The following MGAT4C variants were observed in gnomAD, a reference collection of about 807,000 sequenced individuals.
MGAT4C encodes the protein MGAT4 family member C, also known as alpha-1,3-mannosyl-glycoprotein 4-beta-N-acetylglucosaminyltransferase C.
A neutral mutation model predicts 40.1 loss-of-function variants in MGAT4C; 19 were observed. The observed-to-expected ratio is 0.47, with a 90% CI of 0.33 to 0.70. MGAT4C has a LOEUF of 0.70. Ranked by LOEUF, MGAT4C falls within the 30% of genes least tolerant of loss-of-function variation. The pLI is 0.02. For missense variants in MGAT4C, 491 were observed against 563.2 expected, an observed-to-expected ratio of 0.87 and a Z score of 1.30; for synonymous variants, 181 against 187.1, an observed-to-expected ratio of 0.97 and a Z score of 0.27.
chr12:86,497,356 G>T (rs969167170), intron 2 of MGAT4C, among the ~76,000 whole-genome samples: 12 of 151,884 alleles, frequency 7.9e-5, no homozygotes, highest in African/African-American at 2.9e-4. Flanking sequence ...ACAAGGAGAA[G>T]AAATTGAATA....
At position 86,440,776 on chromosome 12, in the gene MGAT4C, G is replaced by A. The variant is rs190616150; in HGVS notation, c.-228-5511C>T. Reference sequence around the variant, plus strand: ...AGAGTTGATAAATAAATTTAGTAAAGTCTTGGGTTACAATATCAATATACA... The same window carrying A: ...AGAGTTGATAAATAAATTTAGTAAAATCTTGGGTTACAATATCAATATACA... On this transcript the variant is annotated intron_variant, in intron 2 of 7. Transcript: ENST00000548651. 1.0e-3 allele frequency among the ~76,000 whole-genome samples: 155 copies of A among 152,136 alleles called. No homozygotes were observed. In the Middle Eastern group the frequency reaches 0.01, roughly 10 times the overall value.
chr12:86,185,857 A>AG (rs1489619644), intron 1 of MGAT4C, among the ~76,000 whole-genome samples: 2 of 152,150 alleles, frequency 1.3e-5, no homozygotes, highest in Non-Finnish European at 2.9e-5. Flanking sequence ...AGGCAAAGAG[A>AG]AGAGAGTCGC....
chr12:86,284,706 C>G (rs184268626), intron 4 of MGAT4C, among the ~76,000 whole-genome samples: 2 of 151,890 alleles, frequency 1.3e-5, no homozygotes, highest in African/African-American at 4.8e-5. Flanking sequence ...TGTAAGTGTA[C>G]ACTTTTTCCT....
chr12:86,753,872 G>A (rs1021810821), intron 1 of MGAT4C, among the ~76,000 whole-genome samples: 1 of 152,016 alleles, frequency 6.6e-6, no homozygotes, highest in Admixed American at 6.6e-5. Flanking sequence ...GTGTTGAAAA[G>A]AATGTGAAGC....
At chr12:86,118,843 C>T (rs1477457731) in intron 1 of MGAT4C, among the ~76,000 whole-genome samples, 1 of 151,964 alleles carries the variant, frequency 6.6e-6, no homozygotes, top group African/African-American at 2.4e-5. Context: ...GACCAGAAAG[C>T]AATATAATTA....
intron 1 of MGAT4C, among the ~76,000 whole-genome samples, chr12:86,753,989 T>A (rs1951262673): frequency 6.6e-6 from 1 of 152,192 alleles, no homozygotes; most frequent in Admixed American, 6.6e-5. Flanking sequence ...TACTCCTAAA[T>A]ATTTACCTGA....
At chr12:86,204,305 A>G (rs1950173558) in intron 1 of MGAT4C, among the ~76,000 whole-genome samples, 1 of 152,110 alleles carries the variant, frequency 6.6e-6, no homozygotes, top group African/African-American at 2.4e-5. Flanking sequence ...AGTGAATTTA[A>G]ATAAATATTG....
intron 1 of MGAT4C, among the ~76,000 whole-genome samples, chr12:86,196,357 G>A (rs1014234141): frequency 6.6e-6 from 1 of 152,242 alleles, no homozygotes; most frequent in Non-Finnish European, 1.5e-5. Flanking sequence ...GGGTAATAGC[G>A]TCACCTCCCC....
intron 3 of MGAT4C, among the ~76,000 whole-genome samples, chr12:86,376,828 G>C (rs867541897): frequency 4.3e-5 from 5 of 115,882 alleles, no homozygotes; most frequent in Admixed American, 2.0e-4. Context: ...CAGAGAGAGA[G>C]AGAGAGAGAG....
At chr12:86,765,700 G>A (rs1951493222) in intron 1 of MGAT4C, among the ~76,000 whole-genome samples, 1 of 152,040 alleles carries the variant, frequency 6.6e-6, no homozygotes, top group Non-Finnish European at 1.5e-5. Flanking sequence ...GAAGAGAGTG[G>A]GGGCCAATAT....
chr12:86,280,993 T>C (rs1391130469), intron 4 of MGAT4C, among the ~76,000 whole-genome samples: 1 of 152,120 alleles, frequency 6.6e-6, no homozygotes, highest in Non-Finnish European at 1.5e-5. Context: ...GTAATATTAT[T>C]ATTGACATGG....
intron 1 of MGAT4C, among the ~76,000 whole-genome samples, chr12:86,217,687 A>T (rs1950723626): frequency 6.6e-6 from 1 of 152,220 alleles, no homozygotes; most frequent in African/African-American, 2.4e-5. Context: ...CTTAATTTTT[A>T]AAAAATAATG....
chr12:85,991,895 G>A (rs772841219), intron 2 of MGAT4C, among the ~76,000 whole-genome samples: 1 of 152,180 alleles, frequency 6.6e-6, no homozygotes, highest in African/African-American at 2.4e-5. Flanking sequence ...CATCAGAGCA[G>A]GTCCTTGGAA....
At chr12:86,594,975 A>G (rs1961476352) in intron 2 of MGAT4C, among the ~76,000 whole-genome samples, 1 of 152,136 alleles carries the variant, frequency 6.6e-6, no homozygotes, top group Non-Finnish European at 1.5e-5. Flanking sequence ...TTCTACACAC[A>G]CGGTCCTCAG....
chr12:86,515,048 A>AGAAAT (rs1194249421), intron 2 of MGAT4C, among the ~76,000 whole-genome samples: 1 of 152,220 alleles, frequency 6.6e-6, no homozygotes, highest in African/African-American at 2.4e-5. Context: ...TTCTTTGAGC[A>AGAAAT]GAAATGAAAT....
chr12:86,664,895 C>A (rs1275258033), intron 2 of MGAT4C, among the ~76,000 whole-genome samples: 1 of 152,082 alleles, frequency 6.6e-6, no homozygotes, highest in Non-Finnish European at 1.5e-5. Flanking sequence ...CATTATTCAA[C>A]TATCATAGGT....
At chr12:86,763,428 T>C (rs1250627773) in intron 1 of MGAT4C, among the ~76,000 whole-genome samples, 1 of 152,180 alleles carries the variant, frequency 6.6e-6, no homozygotes, top group Non-Finnish European at 1.5e-5. Context: ...ACAGTGCTCA[T>C]TTGATATCAT....
At chr12:86,293,714 A>T (rs1953585162) in intron 4 of MGAT4C, among the ~76,000 whole-genome samples, 1 of 152,196 alleles carries the variant, frequency 6.6e-6, no homozygotes, top group Non-Finnish European at 1.5e-5. Context: ...CCACGTGTCA[A>T]GGGAGCACCC....
intron 2 of MGAT4C, among the ~76,000 whole-genome samples, chr12:86,533,462 T>C (rs1049650790): frequency 1.3e-5 from 2 of 152,064 alleles, no homozygotes; most frequent in African/African-American, 4.8e-5. Flanking sequence ...GAATTCTAGT[T>C]TGGCTCTTCT....
Sources: gnomAD v4.1 joint callset for allele counts (sites outside exome capture counted in the v4.1 genomes callset) on GRCh38, gnomAD v4.1.1 for gene constraint, MANE v1.5 for transcripts, NCBI Gene and HGNC (gene_info 2026-07-23, HGNC 2026-07-21) for gene names.